PTPRG: variants seen among roughly 807,000 people sequenced by gnomAD.
The protein encoded by PTPRG is protein tyrosine phosphatase receptor type G.
A neutral mutation model predicts 165.3 loss-of-function variants in PTPRG; 102 were observed. The observed-to-expected ratio is 0.62, with a 90% confidence interval of 0.53 to 0.73. PTPRG has a LOEUF of 0.73. Among genes scored for constraint, PTPRG ranks in the 30% least tolerant of loss-of-function variants. The pLI, the probability that PTPRG is intolerant of heterozygous loss-of-function variation, is 0.00. For synonymous variants in PTPRG, 675 were observed against 669.5 expected (o/e 1.01, Z -0.13); for missense variants, 1,866 against 1,861.4 (o/e 1.00, Z -0.05).
chr3:61,573,124 C>T (rs1463474104), intron 1 of PTPRG, among the ~76,000 whole-genome samples: 1 of 152,264 alleles, frequency 6.6e-6, no homozygotes, highest in African/African-American at 2.4e-5. Context: ...TGTTGACTTC[C>T]CTGGTTGATT....
At chr3:62,045,997 T>A (rs116085930) in intron 4 of PTPRG, among the ~76,000 whole-genome samples, 1,957 of 152,250 alleles carry the variant, frequency 0.013, 33 homozygotes, top group Non-Finnish European at 0.021. Flanking sequence ...AGGTGGTTGA[T>A]CTCTCCAAGA....
intron 15 of PTPRG, among the ~76,000 whole-genome samples, chr3:62,253,503 T>C (rs1404198566): frequency 6.6e-6 from 1 of 152,206 alleles, no homozygotes; most frequent in Non-Finnish European, 1.5e-5. Flanking sequence ...ATTTAGAGAC[T>C]CTCCAGCTTT....
At chr3:62,049,350 G>A (rs1012546386) in intron 4 of PTPRG, among the ~76,000 whole-genome samples, 3 of 152,112 alleles carry the variant, frequency 2.0e-5, no homozygotes, top group African/African-American at 4.8e-5. Flanking sequence ...GAGATGTTTC[G>A]CCATTTGGTA....
At chr3:62,293,038 C>A in intron 29 of PTPRG, 123 bp from the exon 30 acceptor site, 1 of 801,988 alleles carries the variant, frequency 1.2e-6, no homozygotes, top group Non-Finnish European at 1.9e-6. Flanking sequence ...TTTTAGATAA[C>A]ATTTATGCTA....
chr3:61,949,582 C>T (rs892046025), intron 2 of PTPRG, among the ~76,000 whole-genome samples: 10 of 152,130 alleles, frequency 6.6e-5, no homozygotes, highest in African/African-American at 2.2e-4. Flanking sequence ...CCTAATTTCA[C>T]ATGGGAGGAA....
chr3:61,896,882 G>A (rs989134608), intron 2 of PTPRG, among the ~76,000 whole-genome samples: 3 of 150,686 alleles, frequency 2.0e-5, no homozygotes, highest in Middle Eastern at 3.4e-3. Flanking sequence ...TGAACTATTC[G>A]TGTCTTCTGC....
intron 4 of PTPRG, among the ~76,000 whole-genome samples, chr3:62,044,722 T>C (rs1700235275): frequency 6.6e-6 from 1 of 152,156 alleles, no homozygotes; most frequent in Non-Finnish European, 1.5e-5. Context: ...GTCATTATTA[T>C]TAATATCCTT....
chr3:61,581,476 G>A (rs1700292431), intron 1 of PTPRG, among the ~76,000 whole-genome samples: 1 of 152,192 alleles, frequency 6.6e-6, no homozygotes, highest in South Asian at 2.1e-4. Context: ...TGCAGGCTGT[G>A]CGTAGCTCTG....
At chr3:61,908,490 C>T (rs1241445524) in intron 2 of PTPRG, among the ~76,000 whole-genome samples, 1 of 149,932 alleles carries the variant, frequency 6.7e-6, no homozygotes, top group Non-Finnish European at 1.5e-5. Flanking sequence ...AGGTCATTGG[C>T]TGCATTTGGC....
chr3:61,998,710 T>C (rs115818361), intron 3 of PTPRG, among the ~76,000 whole-genome samples: 2,075 of 152,314 alleles, frequency 0.014, 38 homozygotes, highest in South Asian at 0.067. Context: ...AACCCTGAAT[T>C]TGAAGCTTCC....
At chr3:61,738,281 T>C (rs4688271) in intron 1 of PTPRG, among the ~76,000 whole-genome samples, 527 of 43,480 alleles carry the variant, frequency 0.012, 52 homozygotes, top group East Asian at 0.054. Flanking sequence ...TATATATACA[T>C]ATATATATAT....
chr3:62,082,816 C>G (rs575026076), intron 5 of PTPRG, among the ~76,000 whole-genome samples: 4 of 152,346 alleles, frequency 2.6e-5, no homozygotes, highest in Admixed American at 2.6e-4. Flanking sequence ...GCAGCCACAT[C>G]TTGGCCCAGA....
intron 15 of PTPRG, among the ~76,000 whole-genome samples, chr3:62,248,083 T>C (rs1204547828): frequency 6.6e-6 from 1 of 152,108 alleles, no homozygotes; most frequent in Non-Finnish European, 1.5e-5. Context: ...AGACAGAGAC[T>C]GTGAATATAT....
chr3:62,212,279 C>A (rs907257330), intron 12 of PTPRG, among the ~76,000 whole-genome samples: 1 of 152,120 alleles, frequency 6.6e-6, no homozygotes, highest in Non-Finnish European at 1.5e-5. Context: ...AGTTGATACT[C>A]CTTTCCTCAT....
rs149857871 is a variant in PTPRG, at chr3:62,294,325, T to G, written c.*1018T>G. The G allele has an allele frequency of 2.6e-5, 4 of 152,270 alleles. No individual in the cohort carries two copies. In the East Asian group the frequency reaches 7.7e-4, roughly 29 times the overall value. The allele number at this position is 152,270 out of a possible 1,614,324, so 9.4% of individuals were successfully genotyped here. On this transcript the variant is annotated 3_prime_UTR_variant, in exon 30 of 30. Transcript: ENST00000474889. ...CTGTTTTCTTTCCTTCTTTGCCAAATGTTTTATAATAAATCTCTTAATTAC... is the reference window on the plus strand; with the variant it reads ...CTGTTTTCTTTCCTTCTTTGCCAAAGGTTTTATAATAAATCTCTTAATTAC...
chr3:62,194,349 T>C (rs1269221286), intron 9 of PTPRG, among the ~76,000 whole-genome samples: 2 of 152,166 alleles, frequency 1.3e-5, no homozygotes, highest in Non-Finnish European at 2.9e-5. Flanking sequence ...ATGAAGTAGC[T>C]CTTCCTCTCC....
At chr3:61,863,732 T>C (rs2037334158) in intron 2 of PTPRG, among the ~76,000 whole-genome samples, 1 of 152,188 alleles carries the variant, frequency 6.6e-6, no homozygotes, top group Non-Finnish European at 1.5e-5. Context: ...CTTGGGTGAC[T>C]TCAGTGTGTT....
At chr3:61,641,857 A>G (rs1702074718) in intron 1 of PTPRG, among the ~76,000 whole-genome samples, 2 of 152,158 alleles carry the variant, frequency 1.3e-5, no homozygotes. Flanking sequence ...TTAAGGATGG[A>G]TGGGTCTAAT....
In PTPRG at chr3:61,833,785, G is replaced by C. The variant is rs967302652; in HGVS notation, c.190+84803G>C. Among the ~76,000 whole-genome samples, 3 of 152,190 alleles carry C rather than the reference G, an allele frequency of 2.0e-5. No individual in the cohort carries two copies. The East Asian group carries it at 5.8e-4, about 30-fold the overall frequency. ...TCAGCATGTTGGCCAGGCTGGTTTC[G>C]AACTCCTGAGCTAAGGCAGTGTGCC... On this transcript the variant is annotated intron_variant, in intron 2 of 29. Transcript: ENST00000474889.
Sources: gnomAD v4.1 joint callset for allele counts (sites outside exome capture counted in the v4.1 genomes callset) on GRCh38, gnomAD v4.1.1 for gene constraint, MANE v1.5 for transcripts, NCBI Gene and HGNC (gene_info 2026-07-23, HGNC 2026-07-21) for gene names.